TAFA5: variants seen among roughly 807,000 people sequenced by gnomAD.
TAFA5 encodes the protein TAFA chemokine like family member 5, also known as chemokine-like protein TAFA-5.
In TAFA5, 6 loss-of-function variants were observed where a neutral mutation model predicts 15.3. The ratio of observed to expected loss-of-function variants is 0.39; its 90% CI spans 0.21 to 0.77. The LOEUF (loss-of-function observed/expected upper bound fraction) is 0.77. Ranked by LOEUF, TAFA5 falls within the 30% of genes least tolerant of loss-of-function variation. The pLI, the probability that TAFA5 is intolerant of heterozygous loss-of-function variation, is 0.41. For missense variants in TAFA5, 161 were observed against 193.1 expected, an observed-to-expected ratio of 0.83 and a Z score of 0.98; for synonymous variants, 103 against 80.7, an observed-to-expected ratio of 1.28 and a Z score of -1.48.
At chr22:48,616,795 G>T (rs1925621700) in intron 1 of TAFA5, among the ~76,000 whole-genome samples, 1 of 152,240 alleles carries the variant, frequency 6.6e-6, no homozygotes, top group South Asian at 2.1e-4. Flanking sequence ...TCCGAAGGCT[G>T]CGTGGCTCTG....
At chr22:48,640,392 T>A (rs1055079071) in intron 1 of TAFA5, among the ~76,000 whole-genome samples, 1 of 152,106 alleles carries the variant, frequency 6.6e-6, no homozygotes, top group African/African-American at 2.4e-5. Context: ...CGGAAGCTCC[T>A]CCAGCCTGTG....
chr22:48,577,416 ACTGGGGGCAACTGAGGCGTTGGC>A (rs1923853280), intron 1 of TAFA5, among the ~76,000 whole-genome samples: 1 of 152,046 alleles, frequency 6.6e-6, no homozygotes, highest in Admixed American at 6.5e-5. Context: ...GTCATATCAG[ACTGGGGGCAACTGAGGCGTTGGC>A]CTCCCCCCGG....
At chr22:48,548,465 C>T (rs1256615270) in intron 1 of TAFA5, among the ~76,000 whole-genome samples, 1 of 152,210 alleles carries the variant, frequency 6.6e-6, no homozygotes, top group Non-Finnish European at 1.5e-5. Context: ...TCGGGCCTCA[C>T]AGTGCTGTTC....
At chr22:48,680,955 A>G (rs886335694) in intron 2 of TAFA5, among the ~76,000 whole-genome samples, 1 of 152,204 alleles carries the variant, frequency 6.6e-6, no homozygotes, top group African/African-American at 2.4e-5. Flanking sequence ...CGCTCCCACC[A>G]CGGCTTCTGG....
intron 2 of TAFA5, among the ~76,000 whole-genome samples, chr22:48,699,436 C>T (rs1242043496): frequency 6.6e-6 from 1 of 152,070 alleles, no homozygotes; most frequent in African/African-American, 2.4e-5. Flanking sequence ...ACGCGTTTTG[C>T]AGGGCAGATG....
At chr22:48,501,109 C>G (rs1168114547) in intron 1 of TAFA5, among the ~76,000 whole-genome samples, 1 of 152,224 alleles carries the variant, frequency 6.6e-6, no homozygotes, top group East Asian at 1.9e-4. Context: ...CATTCTGAGC[C>G]ACTGCCTTTC....
intron 2 of TAFA5, among the ~76,000 whole-genome samples, chr22:48,684,009 T>C (rs777927427): frequency 2.5e-4 from 38 of 152,208 alleles, no homozygotes; most frequent in Non-Finnish European, 5.0e-4. Context: ...AGTTAAACTT[T>C]TTTTTCTTTA....
intron 3 of TAFA5, among the ~76,000 whole-genome samples, chr22:48,710,522 G>A (rs1929218148): frequency 6.6e-6 from 1 of 151,998 alleles, no homozygotes; most frequent in South Asian, 2.1e-4. Context: ...CCAGCCTCCC[G>A]CATCCGTCCA....
chr22:48,718,471 G>A (rs1047887993), intron 3 of TAFA5, among the ~76,000 whole-genome samples: 14 of 152,236 alleles, frequency 9.2e-5, no homozygotes, highest in African/African-American at 3.4e-4. Flanking sequence ...AGGGAGGGAG[G>A]ACATGGGCCT....
chr22:48,617,864 T>G (rs1050581176), intron 1 of TAFA5, among the ~76,000 whole-genome samples: 2 of 152,052 alleles, frequency 1.3e-5, no homozygotes, highest in Admixed American at 6.6e-5. Flanking sequence ...CAAGCACATA[T>G]GGGTCCAGCC....
intron 1 of TAFA5, among the ~76,000 whole-genome samples, chr22:48,553,637 T>C (rs1922932880): frequency 6.6e-6 from 1 of 152,188 alleles, no homozygotes; most frequent in Admixed American, 6.5e-5. Flanking sequence ...CCAGACAGTG[T>C]TCTGGAAGGT....
chr22:48,734,994 G>C (rs9628524), intron 3 of TAFA5, among the ~76,000 whole-genome samples: 1 of 152,176 alleles, frequency 6.6e-6, no homozygotes, highest in Non-Finnish European at 1.5e-5. Context: ...GAGGAAGAAC[G>C]CTGCGATTGT....
intron 3 of TAFA5, among the ~76,000 whole-genome samples, chr22:48,710,625 T>G (rs1335679201): frequency 1.3e-5 from 2 of 152,210 alleles, no homozygotes; most frequent in Admixed American, 6.5e-5. Flanking sequence ...GTGCTCACCG[T>G]GTCAGCTCAG....
chr22:48,683,885 C>A (rs193273594), intron 2 of TAFA5, among the ~76,000 whole-genome samples: 13 of 152,294 alleles, frequency 8.5e-5, no homozygotes, highest in Admixed American at 3.9e-4. Flanking sequence ...AGCCCCTCCC[C>A]CGTTGCCGGC....
At chr22:48,657,039 G>T (rs1039687196) in intron 2 of TAFA5, among the ~76,000 whole-genome samples, 6 of 152,066 alleles carry the variant, frequency 3.9e-5, no homozygotes, top group South Asian at 2.1e-4. Context: ...CCAAAGTTCT[G>T]GGATTACAGG....
At chr22:48,707,309 C>T (rs1325866113) in intron 2 of TAFA5, among the ~76,000 whole-genome samples, 2 of 152,162 alleles carry the variant, frequency 1.3e-5, no homozygotes, top group South Asian at 4.1e-4. Flanking sequence ...CCTCCCTGTG[C>T]ACAGGCTGCC....
intron 1 of TAFA5, among the ~76,000 whole-genome samples, chr22:48,569,163 G>A (rs1194687084): frequency 1.3e-5 from 2 of 152,192 alleles, no homozygotes; most frequent in East Asian, 3.9e-4. Context: ...GCTGCCTGGG[G>A]TGTGCCAAGT....
At chr22:48,683,913 T>C (rs1290979840) in intron 2 of TAFA5, among the ~76,000 whole-genome samples, 4 of 152,182 alleles carry the variant, frequency 2.6e-5, no homozygotes, top group Non-Finnish European at 4.4e-5. Flanking sequence ...CCTGCCTCCA[T>C]GTGAGACGTG....
intron 1 of TAFA5, among the ~76,000 whole-genome samples, chr22:48,609,805 C>G (rs1925332839): frequency 6.6e-6 from 1 of 152,194 alleles, no homozygotes; most frequent in African/African-American, 2.4e-5. Flanking sequence ...GAAGCTGCTC[C>G]CGGCTGCTCT....
Sources: allele counts gnomAD v4.1 joint callset (sites outside exome capture counted in the v4.1 genomes callset), GRCh38; gene constraint gnomAD v4.1.1; transcripts MANE v1.5; gene names NCBI Gene and HGNC (gene_info 2026-07-23, HGNC 2026-07-21).